CNTNAP5: variants seen among roughly 807,000 people sequenced by gnomAD.
CNTNAP5 encodes contactin-associated protein-like 5.
CNTNAP5 carries 72 observed loss-of-function variants against 150.2 expected under a neutral mutation model. The ratio of observed to expected loss-of-function variants is 0.48; its 90% CI spans 0.40 to 0.58. CNTNAP5 has a LOEUF of 0.58. CNTNAP5 is among the 20% of genes least tolerant of loss of function. The pLI is 0.00. For synonymous variants in CNTNAP5, 672 were observed against 619.8 expected (o/e 1.08, Z -1.25); for missense variants, 1,636 against 1,626.2 (o/e 1.01, Z -0.10).
chr2:124,669,854 G>T (rs528064166), intron 13 of CNTNAP5, among the ~76,000 whole-genome samples: 2 of 152,062 alleles, frequency 1.3e-5, no homozygotes, highest in Non-Finnish European at 2.9e-5. Flanking sequence ...CACTGTGTTC[G>T]CTACCTTGGC....
chr2:124,083,277 G>C (rs1425752534), intron 1 of CNTNAP5, among the ~76,000 whole-genome samples: 1 of 152,170 alleles, frequency 6.6e-6, no homozygotes, highest in African/African-American at 2.4e-5. Context: ...GAACCCGAGA[G>C]GTGAGGTTGC....
chr2:124,637,516 G>A (rs558726100), intron 12 of CNTNAP5, among the ~76,000 whole-genome samples: 1 of 152,260 alleles, frequency 6.6e-6, no homozygotes, highest in East Asian at 1.9e-4. Flanking sequence ...GGCTAACACA[G>A]CTCTGCCAGA....
intron 7 of CNTNAP5, among the ~76,000 whole-genome samples, chr2:124,476,427 G>A (rs1693642435): frequency 6.6e-6 from 1 of 152,030 alleles, no homozygotes; most frequent in African/African-American, 2.4e-5. Flanking sequence ...GTGATCTGCA[G>A]TGACATCACA....
rs1410525879 is a variant in CNTNAP5 at position 124,911,523 on chromosome 2, T to C, written c.3712T>C (p.Ser1238Pro). The C allele has an allele frequency of 6.3e-7, 1 of 1,598,230 alleles. No individual in the cohort carries two copies. Among genetic ancestry groups the C allele is most frequent in the Non-Finnish European group, 8.5e-7 (1 of 1,171,502 alleles). The change falls in exon 23 of 24, where the codon TCG becomes CCG. Residue 1238 changes from serine (S) to proline (P), a missense_variant. Coordinates refer to ENST00000682447, the MANE Select transcript of CNTNAP5 (RefSeq NM_001367498.1). ...ACTCACAAATGCTGTTCGAAGTGAT[T>C]CGGCAGTCATCGGAGGTAAACAATT... is the stretch of plus-strand genomic sequence containing the variant. Reference protein sequence around the residue: ...EPLTNAVRSDSAVIGGVIAVV... With the variant: ...EPLTNAVRSDPAVIGGVIAVV...
At chr2:124,905,499 T>C in intron 22 of CNTNAP5, among the ~76,000 whole-genome samples, 1 of 152,196 alleles carries the variant, frequency 6.6e-6, no homozygotes. Context: ...TCTGCTTCAC[T>C]ACCCTCTAAG....
intron 19 of CNTNAP5, among the ~76,000 whole-genome samples, chr2:124,831,005 A>C (rs1258835552): frequency 2.6e-5 from 4 of 152,102 alleles, no homozygotes; most frequent in Non-Finnish European, 5.9e-5. Context: ...CAATTGCAGT[A>C]AGAGCAAATC....
At chr2:124,674,336 C>T (rs1029781172) in intron 13 of CNTNAP5, among the ~76,000 whole-genome samples, 6 of 148,998 alleles carry the variant, frequency 4.0e-5, no homozygotes, top group Non-Finnish European at 7.5e-5. Flanking sequence ...TCCTTCCCTC[C>T]TTCCCTCCCT....
rs537873582 is a variant in CNTNAP5 at position 124,489,085 on chromosome 2, T to C, written c.1062+14203T>C. On this transcript the variant is annotated intron_variant, in intron 7 of 23. Coordinates refer to ENST00000682447, the MANE Select transcript of CNTNAP5 (RefSeq NM_001367498.1). ...AAGTTCACAATGAACTCGTTCTTTC[T>C]GGTGCTTTCCATGATTGAGAATTAT... Among the ~76,000 whole-genome samples, 3 of 152,362 alleles carry C rather than the reference T, an allele frequency of 2.0e-5. No individual in the cohort carries two copies. In the South Asian group the frequency reaches 6.2e-4, roughly 32 times the overall value.
intron 10 of CNTNAP5, among the ~76,000 whole-genome samples, chr2:124,536,297 A>G (rs1328161037): frequency 6.6e-6 from 1 of 152,180 alleles, no homozygotes. Flanking sequence ...TATTCTCTCC[A>G]TAGTCTGCAA....
At chr2:124,595,996 A>AT (rs1696819949) in intron 11 of CNTNAP5, among the ~76,000 whole-genome samples, 1 of 87,512 alleles carries the variant, frequency 1.1e-5, no homozygotes, top group Non-Finnish European at 2.2e-5. Context: ...CCCCTTTATC[A>AT]TTTTTTATTG....
chr2:124,741,297 T>A (rs2105138193), intron 13 of CNTNAP5, among the ~76,000 whole-genome samples: 1 of 152,320 alleles, frequency 6.6e-6, no homozygotes, highest in East Asian at 1.9e-4. Context: ...TCTGGAATTT[T>A]GCTTGGACTG....
chr2:124,736,945 T>A (rs1439964556), intron 13 of CNTNAP5, among the ~76,000 whole-genome samples: 1 of 152,096 alleles, frequency 6.6e-6, no homozygotes, highest in African/African-American at 2.4e-5. Context: ...GAATACATTA[T>A]ACAAACAAAG....
intron 3 of CNTNAP5, among the ~76,000 whole-genome samples, chr2:124,401,157 T>C (rs1271988194): frequency 1.3e-5 from 2 of 152,206 alleles, no homozygotes; most frequent in Non-Finnish European, 2.9e-5. Flanking sequence ...TGAGCCATCG[T>C]GCCCAGCCAA....
intron 1 of CNTNAP5, among the ~76,000 whole-genome samples, chr2:124,054,277 G>A (rs2104646043): frequency 6.6e-6 from 1 of 152,292 alleles, no homozygotes; most frequent in Admixed American, 6.5e-5. Flanking sequence ...TGGGTGAGGG[G>A]AGATATGGGC....
At chr2:124,706,115 C>G (rs2105095443) in intron 13 of CNTNAP5, among the ~76,000 whole-genome samples, 1 of 152,294 alleles carries the variant, frequency 6.6e-6, no homozygotes, top group East Asian at 1.9e-4. Flanking sequence ...AGTAGCAGCT[C>G]TGATTCTAGG....
intron 19 of CNTNAP5, among the ~76,000 whole-genome samples, chr2:124,831,076 A>G (rs573393150): frequency 6.6e-6 from 1 of 152,186 alleles, no homozygotes; most frequent in South Asian, 2.1e-4. Flanking sequence ...TTGTTTTAAT[A>G]TATTTTAATA....
In CNTNAP5 at chr2:124,609,687, TAGA is replaced by T. The variant is rs1490834753; in HGVS notation, c.1757-111_1757-109del. 7 of 1,170,030 alleles carry T rather than the reference TAGA, an allele frequency of 6.0e-6. No individual in the cohort carries two copies. In the East Asian group the frequency reaches 1.0e-4, roughly 17 times the overall value. The allele number at this position is 1,170,030 out of a possible 1,614,324, so 72.5% of individuals were successfully genotyped here. ...AGGCTTGGGGAAAAAGTCAAGGATA[TAGA>T]AGGAGGGAAATGAATACACATAGAG... On this transcript the variant is annotated intron_variant, in intron 11 of 23. Coordinates refer to ENST00000682447, the MANE Select transcript of CNTNAP5 (RefSeq NM_001367498.1).
intron 3 of CNTNAP5, among the ~76,000 whole-genome samples, chr2:124,349,534 T>C (rs927330837): frequency 1.3e-5 from 2 of 152,170 alleles, no homozygotes; most frequent in Non-Finnish European, 2.9e-5. Context: ...CAGTGCTTTC[T>C]TTTACATTGC....
intron 13 of CNTNAP5, among the ~76,000 whole-genome samples, chr2:124,691,678 A>G (rs1449893932): frequency 6.6e-6 from 1 of 152,104 alleles, no homozygotes; most frequent in Non-Finnish European, 1.5e-5. Flanking sequence ...TCAGCGTTTC[A>G]TGGGTGAATT....
Sources: gnomAD v4.1 joint callset for allele counts (sites outside exome capture counted in the v4.1 genomes callset) on GRCh38, gnomAD v4.1.1 for gene constraint, MANE v1.5 for transcripts, NCBI Gene and HGNC (gene_info 2026-07-23, HGNC 2026-07-21) for gene names.